Variants in THSD4 observed in about 807,000 individuals in gnomAD.
THSD4 encodes the protein thrombospondin type-1 domain-containing protein 4.
In THSD4, 69 loss-of-function variants were observed where a neutral mutation model predicts 119.0. That is an observed-to-expected ratio of 0.58 (90% confidence interval 0.48 to 0.71). The LOEUF is 0.71. Among genes scored for constraint, THSD4 ranks in the 30% least tolerant of loss-of-function variants. The pLI, the probability that THSD4 is intolerant of heterozygous loss-of-function variation, is 0.00. For missense variants in THSD4, 1,393 were observed against 1,391.1 expected, an observed-to-expected ratio of 1.00 and a Z score of -0.02; for synonymous variants, 524 against 540.4, an observed-to-expected ratio of 0.97 and a Z score of 0.42.
chr15:71,335,015 G>A (rs1032500767), intron 6 of THSD4, among the ~76,000 whole-genome samples: 1 of 152,194 alleles, frequency 6.6e-6, no homozygotes, highest in Non-Finnish European at 1.5e-5. Context: ...CAGAATTAAT[G>A]GAGCTCAGGT....
chr15:71,628,666 T>C (rs2050554898), intron 7 of THSD4, among the ~76,000 whole-genome samples: 2 of 152,338 alleles, frequency 1.3e-5, no homozygotes, highest in Middle Eastern at 3.4e-3. Flanking sequence ...CAGGTGACAC[T>C]TTGCGTAACA....
At chr15:71,717,658 A>G (rs1031026897) in intron 8 of THSD4, among the ~76,000 whole-genome samples, 6 of 152,116 alleles carry the variant, frequency 3.9e-5, no homozygotes, top group Non-Finnish European at 7.4e-5. Flanking sequence ...GGGCATAGAC[A>G]CTAAGATTAG....
At chr15:71,218,634 T>A (rs1342113297) in intron 4 of THSD4, among the ~76,000 whole-genome samples, 1 of 152,240 alleles carries the variant, frequency 6.6e-6, no homozygotes, top group Non-Finnish European at 1.5e-5. Flanking sequence ...CCTACATATG[T>A]CATGCTCCTC....
At chr15:71,297,201 A>G (rs2044874473) in intron 6 of THSD4, among the ~76,000 whole-genome samples, 1 of 151,260 alleles carries the variant, frequency 6.6e-6, no homozygotes. Context: ...TCTGATTTGC[A>G]TTTCTTGAAT....
chr15:71,314,327 C>T (rs28529655), intron 6 of THSD4, among the ~76,000 whole-genome samples: 1 of 151,688 alleles, frequency 6.6e-6, no homozygotes, highest in African/African-American at 2.4e-5. Context: ...TAATTATTGG[C>T]GGCGGAGTCT....
intron 1 of THSD4, among the ~76,000 whole-genome samples, chr15:71,140,476 C>G (rs147322614): frequency 6.6e-6 from 1 of 152,090 alleles, no homozygotes; most frequent in African/African-American, 2.4e-5. Flanking sequence ...GGGACCCACC[C>G]GCATGACCAG....
Position 71,242,780 on chromosome 15 carries a change from C to T in THSD4, c.596C>T (p.Ser199Phe), listed in dbSNP as rs777553782. Residue 199 changes from serine to phenylalanine, a missense_variant, in exon 5 of 18, where the codon TCC (serine) becomes TTC (phenylalanine). Ser to Phe is a radical substitution (Grantham distance 155). Transcript: ENST00000261862. ...AGACAGAAGCTCTCATCCCGCCATT[C>T]CAGGTCCCAGGGAGCATCTTCTGCT... ...LRRQKLSSRH[S>F]RSQGASSARH... The T allele has an allele frequency of 3.1e-6, 5 of 1,614,230 alleles. No individual in the cohort carries two copies. The highest frequency in any genetic ancestry group is 4.2e-6 in the Non-Finnish European group (5 of 1,180,048).
chr15:71,547,743 A>C, intron 7 of THSD4: 1 of 355,352 alleles, frequency 2.8e-6, no homozygotes, highest in Non-Finnish European at 5.0e-6. Context: ...TTGGTGACAG[A>C]TGCCTGTAGC....
intron 7 of THSD4, among the ~76,000 whole-genome samples, chr15:71,550,158 A>G (rs1199425795): frequency 6.6e-6 from 1 of 152,238 alleles, no homozygotes; most frequent in Non-Finnish European, 1.5e-5. Context: ...AAGACTGTAA[A>G]GGACTTTTAA....
At chr15:71,252,774 A>T (rs1389991932) in intron 5 of THSD4, among the ~76,000 whole-genome samples, 1 of 152,274 alleles carries the variant, frequency 6.6e-6, no homozygotes, top group Non-Finnish European at 1.5e-5. Context: ...TACAATGGGT[A>T]TAATAGTTAT....
chr15:71,428,161 C>T (rs1050852570), intron 7 of THSD4, among the ~76,000 whole-genome samples: 1 of 152,200 alleles, frequency 6.6e-6, no homozygotes, highest in African/African-American at 2.4e-5. Flanking sequence ...ACCCTAAGCA[C>T]AGTCTAGAAG....
At chr15:71,545,284 C>A (rs1024291097) in intron 7 of THSD4, among the ~76,000 whole-genome samples, 1 of 152,130 alleles carries the variant, frequency 6.6e-6, no homozygotes. Context: ...CTTTCCAGAG[C>A]CCTTGCAGTA....
At chr15:71,624,563 T>C (rs2050474743) in intron 7 of THSD4, among the ~76,000 whole-genome samples, 2 of 152,204 alleles carry the variant, frequency 1.3e-5, no homozygotes, top group Admixed American at 1.3e-4. Context: ...GTGTGTGGCT[T>C]AATTGAAACC....
intron 6 of THSD4, among the ~76,000 whole-genome samples, chr15:71,322,526 C>A (rs1226825000): frequency 2.0e-5 from 3 of 152,144 alleles, no homozygotes; most frequent in African/African-American, 7.2e-5. Context: ...ATTCTAAAAC[C>A]TAGTGGCTTA....
intron 7 of THSD4, among the ~76,000 whole-genome samples, chr15:71,436,423 A>C (rs1010294740): frequency 3.3e-5 from 5 of 152,226 alleles, no homozygotes; most frequent in African/African-American, 1.2e-4. Context: ...TTAATCTTAA[A>C]TTTGGAAAGG....
intron 2 of THSD4, among the ~76,000 whole-genome samples, chr15:71,149,773 A>G (rs1454347251): frequency 1.3e-5 from 2 of 151,978 alleles, no homozygotes; most frequent in Non-Finnish European, 2.9e-5. Flanking sequence ...CATTGAGGTA[A>G]TTTGAGGTAC....
chr15:71,328,470 T>G (rs1204133147), intron 6 of THSD4, among the ~76,000 whole-genome samples: 1 of 152,222 alleles, frequency 6.6e-6, no homozygotes, highest in African/African-American at 2.4e-5. Flanking sequence ...CGTTCATTAA[T>G]TCATTCAGTC....
intron 7 of THSD4, among the ~76,000 whole-genome samples, chr15:71,437,574 G>A (rs12902368): frequency 0.53 from 80,015 of 151,974 alleles, 21,648 homozygotes; most frequent in East Asian, 0.71. Flanking sequence ...GGAGGTGGAG[G>A]TAGGGTAAGG....
At chr15:71,273,936 C>T (rs933741399) in intron 6 of THSD4, among the ~76,000 whole-genome samples, 3 of 152,198 alleles carry the variant, frequency 2.0e-5, no homozygotes, top group African/African-American at 7.2e-5. Context: ...AAGCCCTGGG[C>T]TTCCAGGTGG....
Sources: allele counts gnomAD v4.1 joint callset (sites outside exome capture counted in the v4.1 genomes callset), GRCh38; gene constraint gnomAD v4.1.1; transcripts MANE v1.5; gene names NCBI Gene and HGNC (gene_info 2026-07-23, HGNC 2026-07-21).